TFEB: variants seen among roughly 807,000 people sequenced by gnomAD.
TFEB encodes T-cell transcription factor EB.
Under a neutral mutation model 48.0 loss-of-function variants are expected in TFEB, and 12 were observed. The ratio of observed to expected loss-of-function variants is 0.25; its 90% confidence interval spans 0.16 to 0.40. The LOEUF is 0.40. Ranked by LOEUF, TFEB falls within the 10% of genes least tolerant of loss-of-function variation. The pLI is 1.00. For synonymous variants in TFEB, 244 were observed against 261.4 expected, an observed-to-expected ratio of 0.93 and a Z score of 0.64; for missense variants, 509 against 640.3, an observed-to-expected ratio of 0.79 and a Z score of 2.21.
rs1478986095 is a variant in TFEB at position 41,720,408 on chromosome 6, G to A, written c.-23+14942C>T. On this transcript the variant is annotated intron_variant, in intron 1 of 8. Transcript: ENST00000373033. This position sits in a 1 kb window ranked among gnomAD's most constrained non-coding sequence, Gnocchi z 4.1. Reference sequence around the variant, plus strand: ...CCAGGGGCTCTCCAGACAGGCAGCTGATGTCCTCATGACCTTCCCCAGTCC... The same window carrying A: ...CCAGGGGCTCTCCAGACAGGCAGCTAATGTCCTCATGACCTTCCCCAGTCC... 3.3e-5 allele frequency: 5 copies of A among 152,300 alleles called. No individual in the cohort carries two copies. The highest frequency in any genetic ancestry group is 1.2e-4 in the African/African-American group (5 of 41,426). The allele number at this position is 152,300 out of a possible 1,614,324, so 9.4% of individuals were successfully genotyped here.
chr6:41,711,893 GCCTCTT>G (rs1174541885), intron 1 of TFEB, among the ~76,000 whole-genome samples: 1 of 152,204 alleles, frequency 6.6e-6, no homozygotes, highest in African/African-American at 2.4e-5. Context: ...CAGCTCAGAG[GCCTCTT>G]CAGGCTGGGA....
At chr6:41,704,089 T>C (rs1231983617) in intron 1 of TFEB, among the ~76,000 whole-genome samples, 2 of 152,122 alleles carry the variant, frequency 1.3e-5, no homozygotes, top group African/African-American at 4.8e-5. Context: ...TCAGCTCTTG[T>C]TTCCTCTAGA....
intron 1 of TFEB, among the ~76,000 whole-genome samples, chr6:41,699,222 G>T (rs1769766969): frequency 6.6e-6 from 1 of 152,244 alleles, no homozygotes; most frequent in South Asian, 2.1e-4. Flanking sequence ...TGTGTAAGTT[G>T]TCTTGCAGGT....
chr6:41,719,352 C>CT (rs1169531553), intron 1 of TFEB, among the ~76,000 whole-genome samples: 1 of 152,208 alleles, frequency 6.6e-6, no homozygotes, highest in Non-Finnish European at 1.5e-5. Flanking sequence ...ATGTAATGCT[C>CT]TTGAATGATC....
intron 1 of TFEB, among the ~76,000 whole-genome samples, chr6:41,715,391 C>T (rs929915302): frequency 3.9e-5 from 6 of 152,148 alleles, no homozygotes; most frequent in Non-Finnish European, 7.3e-5. Context: ...TCTCATGAGC[C>T]GGGCGCAGTG....
intron 1 of TFEB, among the ~76,000 whole-genome samples, chr6:41,712,690 T>A (rs1472516526): frequency 6.6e-6 from 1 of 152,160 alleles, no homozygotes; most frequent in Non-Finnish European, 1.5e-5. Context: ...CTGCTGTTGA[T>A]AGAGCCGGTG....
At position 41,687,875 on chromosome 6, in the gene TFEB, A is replaced by G. The variant is rs372395183; in HGVS notation, c.670+33T>C. 8.7e-5 allele frequency: 140 copies of G among 1,610,044 alleles called. No homozygotes were observed. In the African/African-American group the frequency reaches 1.6e-3, roughly 18 times the overall value. ...GGAGAAAAGGAGGGAGGAGTCGGGT[A>G]TTCAAAGGCACAGGGGTAGAGGGAG... On this transcript the variant is annotated intron_variant, in intron 5 of 8. Coordinates refer to ENST00000373033, the MANE Select transcript of TFEB (RefSeq NM_001271944.2).
At chr6:41,714,542 T>G (rs1770647118) in intron 1 of TFEB, among the ~76,000 whole-genome samples, 1 of 152,202 alleles carries the variant, frequency 6.6e-6, no homozygotes, top group African/African-American at 2.4e-5. Flanking sequence ...GGTGCGGCCT[T>G]GATGGTATCA....
At chr6:41,700,537 G>A (rs1401584363) in intron 1 of TFEB, among the ~76,000 whole-genome samples, 1 of 151,988 alleles carries the variant, frequency 6.6e-6, no homozygotes, top group Admixed American at 6.5e-5. Context: ...CCAAAAGGGA[G>A]ATCTGCACAA....
chr6:41,684,567 G>A lies in TFEB; in HGVS notation c.*32C>T. The A allele has an allele frequency of 1.3e-6, 2 of 1,516,102 alleles. No individual in the cohort carries two copies. Among genetic ancestry groups the A allele is most frequent in the Non-Finnish European group, 1.8e-6 (2 of 1,134,222 alleles). The allele number at this position is 1,516,102 out of a possible 1,614,324, so 93.9% of individuals were successfully genotyped here. Reference sequence around the variant, plus strand: ...CCTGGCCCTCCCAGCCCCCAGGCCGGCCCCTGTTCCCTGGCACAGGGGCAG... The same window carrying A: ...CCTGGCCCTCCCAGCCCCCAGGCCGACCCCTGTTCCCTGGCACAGGGGCAG... On this transcript the variant is annotated 3_prime_UTR_variant, in exon 9 of 9. Coordinates refer to ENST00000373033, the MANE Select transcript of TFEB (RefSeq NM_001271944.2).
rs545193957 is a variant in TFEB, at chr6:41,724,536, G to C, written c.-23+10814C>G. ...CTGGTCCAACCCTGGGCCTCCCTGG[G>C]CTGGCAAATTCTGGAAGGACACAAA... is the stretch of plus-strand genomic sequence containing the variant. On this transcript the variant is annotated intron_variant, in intron 1 of 8. Transcript: ENST00000373033. This position sits in a 1 kb window ranked among gnomAD's most constrained non-coding sequence, Gnocchi z 4.4. Among the ~76,000 whole-genome samples the C allele has an allele frequency of 6.6e-6, 1 of 152,166 alleles. No individual in the cohort carries two copies. Among genetic ancestry groups the C allele is most frequent in the East Asian group, 1.9e-4 (1 of 5,150 alleles).
intron 1 of TFEB, among the ~76,000 whole-genome samples, chr6:41,711,221 G>A (rs1189680170): frequency 1.3e-5 from 2 of 152,190 alleles, no homozygotes; most frequent in Non-Finnish European, 2.9e-5. Context: ...TTTTACAAAT[G>A]AGAAACAGGT....
intron 1 of TFEB, chr6:41,732,901 C>G: frequency 5.1e-6 from 5 of 985,668 alleles, no homozygotes; most frequent in Non-Finnish European, 6.0e-6. Context: ...TGCCCTCCAT[C>G]CCCAGGACAA....
intron 1 of TFEB, among the ~76,000 whole-genome samples, chr6:41,717,132 C>G (rs1243011588): frequency 1.3e-5 from 2 of 152,178 alleles, no homozygotes; most frequent in Non-Finnish European, 2.9e-5. Context: ...ATAGGGCCCC[C>G]CAGCTCGAAA....
intron 8 of TFEB, among the ~76,000 whole-genome samples, chr6:41,685,456 AT>A (rs1164841852): frequency 6.6e-6 from 1 of 152,174 alleles, no homozygotes; most frequent in African/African-American, 2.4e-5. Flanking sequence ...CTAGATTTTA[AT>A]GTAAATTGTG....
chr6:41,719,940 T>A (rs1476282286), intron 1 of TFEB, among the ~76,000 whole-genome samples: 20 of 152,120 alleles, frequency 1.3e-4, no homozygotes. Flanking sequence ...TAAAATGGGA[T>A]AATAAAAAGA....
chr6:41,730,063 T>C lies in TFEB; in HGVS notation c.-23+5287A>G, dbSNP rs1045875347. On this transcript the variant is annotated intron_variant, in intron 1 of 8. Transcript: ENST00000373033. This position sits in a 1 kb window ranked among gnomAD's most constrained non-coding sequence, Gnocchi z 4.1. ...TTTAAACAATTCCTCCAGGGAGTTCTCATGCATGCCCAAATTTGAGAACCA... is the reference window on the plus strand; with the variant it reads ...TTTAAACAATTCCTCCAGGGAGTTCCCATGCATGCCCAAATTTGAGAACCA... Among the ~76,000 whole-genome samples, 1 of 152,034 alleles carries C rather than the reference T, an allele frequency of 6.6e-6. No homozygotes were observed. The highest frequency in any genetic ancestry group is 1.5e-5 in the Non-Finnish European group (1 of 68,002).
intron 1 of TFEB, among the ~76,000 whole-genome samples, chr6:41,694,820 G>A (rs1338421820): frequency 6.6e-6 from 1 of 152,022 alleles, no homozygotes; most frequent in African/African-American, 2.4e-5. Context: ...ACTGCATGTA[G>A]ACACCAGGGA....
intron 1 of TFEB, among the ~76,000 whole-genome samples, chr6:41,728,542 C>T (rs1482880305): frequency 6.6e-6 from 1 of 152,168 alleles, no homozygotes; most frequent in Non-Finnish European, 1.5e-5. Flanking sequence ...CTGCACCCCT[C>T]AGGGACTGTG....
Sources: allele counts gnomAD v4.1 joint callset (sites outside exome capture counted in the v4.1 genomes callset), GRCh38; gene constraint gnomAD v4.1.1; non-coding constraint Gnocchi (gnomAD v3.1); transcripts MANE v1.5; gene names NCBI Gene and HGNC (gene_info 2026-07-23, HGNC 2026-07-21).